Variants in XKR6 observed in about 807,000 individuals in gnomAD.
XKR6 encodes the protein XK-related protein 6.
XKR6 carries 22 observed loss-of-function variants against 56.7 expected under a neutral mutation model. That is an observed-to-expected ratio of 0.39 (90% confidence interval 0.28 to 0.55). XKR6 has a LOEUF of 0.55. XKR6 is among the 20% of genes least tolerant of loss of function. The pLI is 0.66. For missense variants in XKR6, 852 were observed against 889.0 expected, an observed-to-expected ratio of 0.96 and a Z score of 0.53; for synonymous variants, 524 against 387.8, an observed-to-expected ratio of 1.35 and a Z score of -4.13.
chr8:11,029,159 A>G (rs1798936437), intron 1 of XKR6, among the ~76,000 whole-genome samples: 1 of 151,788 alleles, frequency 6.6e-6, no homozygotes, highest in African/African-American at 2.4e-5. Flanking sequence ...CCCTATCTCT[A>G]TCATCCCTCC....
At chr8:11,060,662 C>T (rs1177057382) in intron 1 of XKR6, among the ~76,000 whole-genome samples, 1 of 152,240 alleles carries the variant, frequency 6.6e-6, no homozygotes, top group East Asian at 1.9e-4. Context: ...AAGGGGAAGA[C>T]AGGGAAGACA....
At chr8:10,954,921 T>C (rs1481848133) in intron 1 of XKR6, among the ~76,000 whole-genome samples, 1 of 146,610 alleles carries the variant, frequency 6.8e-6, no homozygotes, top group Non-Finnish European at 1.5e-5. Context: ...CAGGCTGAAG[T>C]GCAGTGGTGC....
intron 1 of XKR6, among the ~76,000 whole-genome samples, chr8:11,069,179 A>G (rs1391182428): frequency 1.3e-5 from 2 of 152,040 alleles, no homozygotes; most frequent in African/African-American, 4.8e-5. Context: ...GATAAAGAGT[A>G]GAGGCCCCAC....
chr8:11,065,011 C>T (rs1041089853), intron 1 of XKR6, among the ~76,000 whole-genome samples: 10 of 152,208 alleles, frequency 6.6e-5, no homozygotes, highest in Non-Finnish European at 1.5e-4. Flanking sequence ...TATTTCTTTA[C>T]ATCCTGCCTA....
Position 10,896,240 on chromosome 8 carries a change from A to C in XKR6, c.*1712T>G, listed in dbSNP as rs1244897865. ...GAACAATACTTTGAAAAATAAAAAAAAATTTAAATCGTTGAACATACTTGC... is the reference window on the plus strand; with the variant it reads ...GAACAATACTTTGAAAAATAAAAAACAATTTAAATCGTTGAACATACTTGC... On this transcript the variant is annotated 3_prime_UTR_variant, in exon 3 of 3. Transcript: ENST00000416569. The C allele has an allele frequency of 3.9e-5, 6 of 152,552 alleles. No homozygotes were observed. The highest frequency in any genetic ancestry group is 8.8e-5 in the Non-Finnish European group (6 of 68,024). 9.4% of individuals were successfully genotyped at this position (152,552 alleles called of 1,614,324 possible). A position where few individuals can be genotyped will look rare whatever the true frequency, so the allele number is the denominator to read the frequency against.
chr8:11,017,282 G>C (rs1798647266), intron 1 of XKR6, among the ~76,000 whole-genome samples: 1 of 152,244 alleles, frequency 6.6e-6, no homozygotes, highest in Non-Finnish European at 1.5e-5. Flanking sequence ...TATATGTCCT[G>C]AAGGGACAAC....
rs1800791523 is a variant in XKR6, at chr8:10,923,706, T to C, written c.961+928A>G. On this transcript the variant is annotated intron_variant, in intron 2 of 2. Transcript: ENST00000416569. ...TCCGTGTGGGTGTCCATGAACGTGGTGACACGGAGGGCCTCCTGGGGCACC... is the reference window on the plus strand; with the variant it reads ...TCCGTGTGGGTGTCCATGAACGTGGCGACACGGAGGGCCTCCTGGGGCACC... 3.3e-5 allele frequency among the ~76,000 whole-genome samples: 5 copies of C among 152,322 alleles called. No individual in the cohort carries two copies. The South Asian group carries it at 1.0e-3, about 32-fold the overall frequency.
intron 1 of XKR6, among the ~76,000 whole-genome samples, chr8:11,038,880 C>G (rs1192889941): frequency 6.6e-6 from 1 of 152,040 alleles, no homozygotes; most frequent in Non-Finnish European, 1.5e-5. Flanking sequence ...TTTAGATTGG[C>G]TTAGTTTGGC....
rs1382131813 is a variant in XKR6 at position 10,911,825 on chromosome 8, A to ATGTGTATATATAGAAAGGGAGGGTG, written c.961+12784_961+12808dup. 3.3e-5 allele frequency among the ~76,000 whole-genome samples: 5 copies of ATGTGTATATATAGAAAGGGAGGGTG among 150,924 alleles called. No individual in the cohort carries two copies. The East Asian group carries it at 9.7e-4, about 29-fold the overall frequency. ...GTATGTATATATACAGAGGGTGAGTATGTGTATATATAGAAAGGGAGGGTG... is the reference window on the plus strand; with the variant it reads ...GTATGTATATATACAGAGGGTGAGTATGTGTATATATAGAAAGGGAGGGTGTGTGTATATATAGAAAGGGAGGGTG... On this transcript the variant is annotated intron_variant, in intron 2 of 2. Transcript: ENST00000416569.
chr8:11,175,599 AAAGTT>A (rs1411016935), intron 1 of XKR6: 1 of 152,272 alleles, frequency 6.6e-6, no homozygotes, highest in Non-Finnish European at 1.5e-5. Flanking sequence ...AATGCAATCA[AAAGTT>A]AAGAAAAATA....
chr8:11,158,276 T>G (rs1467662510), intron 1 of XKR6, among the ~76,000 whole-genome samples: 1 of 151,952 alleles, frequency 6.6e-6, no homozygotes, highest in Non-Finnish European at 1.5e-5. Flanking sequence ...CCAGGAAAAA[T>G]TTAAAAGTAA....
chr8:10,934,969 G>T (rs1335719903), intron 1 of XKR6, among the ~76,000 whole-genome samples: 1 of 100,112 alleles, frequency 1.0e-5, no homozygotes, highest in Non-Finnish European at 2.1e-5. Flanking sequence ...GTTTCAGAAG[G>T]AATGGTACCA....
chr8:11,008,997 G>A (rs933515563), intron 1 of XKR6, among the ~76,000 whole-genome samples: 6 of 151,706 alleles, frequency 4.0e-5, no homozygotes, highest in Middle Eastern at 6.8e-3. Context: ...CTTTTAGATT[G>A]TTGTCTAAAG....
intron 1 of XKR6, among the ~76,000 whole-genome samples, chr8:11,094,714 A>G (rs1798212669): frequency 6.6e-6 from 1 of 152,024 alleles, no homozygotes; most frequent in Non-Finnish European, 1.5e-5. Flanking sequence ...ATCCTCACAG[A>G]CCTCTGGGGT....
intron 1 of XKR6, among the ~76,000 whole-genome samples, chr8:11,065,552 T>A (rs1799954797): frequency 6.6e-6 from 1 of 152,204 alleles, no homozygotes; most frequent in South Asian, 2.1e-4. Flanking sequence ...TTTTTTTCTT[T>A]CACTCTATTT....
chr8:10,901,704 A>G (rs1004168079), intron 2 of XKR6, among the ~76,000 whole-genome samples: 2 of 152,120 alleles, frequency 1.3e-5, no homozygotes, highest in African/African-American at 4.8e-5. Flanking sequence ...AGCAAACTCT[A>G]TTACCTTCTA....
At chr8:11,070,049 G>A (rs1198304150) in intron 1 of XKR6, among the ~76,000 whole-genome samples, 1 of 152,190 alleles carries the variant, frequency 6.6e-6, no homozygotes, top group African/African-American at 2.4e-5. Flanking sequence ...GAATTAAGCA[G>A]AACTCTTCCT....
At chr8:11,124,892 G>A (rs1799684511) in intron 1 of XKR6, 1 of 151,204 alleles carries the variant, frequency 6.6e-6, no homozygotes, top group South Asian at 2.1e-4. Flanking sequence ...AGACCATCCT[G>A]GCTAACACGG....
chr8:11,198,451 T>TA lies in XKR6; in HGVS notation c.764+2124dup, dbSNP rs549045914. Among the ~76,000 whole-genome samples the TA allele has an allele frequency of 9.6e-4, 135 of 140,008 alleles. No individual in the cohort carries two copies. The East Asian group carries it at 0.01, about 11-fold the overall frequency. 91.9% of individuals were successfully genotyped at this position (140,008 alleles called of 152,430 possible). The stretch of plus-strand genomic sequence containing the variant: ...TATATTCTAATCTTGAAAAAAGATG[T>TA]AAAAAAAAAACTAGACAGTAAAGTC... On this transcript the variant is annotated intron_variant, in intron 1 of 2. Coordinates refer to ENST00000416569, the MANE Select transcript of XKR6 (RefSeq NM_173683.4).
Sources: gnomAD v4.1 joint callset for allele counts (sites outside exome capture counted in the v4.1 genomes callset) on GRCh38, gnomAD v4.1.1 for gene constraint, MANE v1.5 for transcripts, NCBI Gene and HGNC (gene_info 2026-07-23, HGNC 2026-07-21) for gene names.